The following CCSER1 variants were observed in gnomAD, a reference collection of about 807,000 sequenced individuals.
CCSER1 encodes serine-rich coiled-coil domain-containing protein 1.
CCSER1 carries 41 observed loss-of-function variants against 82.0 expected under a neutral mutation model. The ratio of observed to expected loss-of-function variants is 0.50; its 90% CI spans 0.39 to 0.65. CCSER1 has a LOEUF of 0.65. CCSER1 is among the 30% of genes least tolerant of loss of function. CCSER1 has a pLI of 0.00. For synonymous variants in CCSER1, 414 were observed against 383.9 expected, an observed-to-expected ratio of 1.08 and a Z score of -0.92; for missense variants, 1,119 against 1,064.2, an observed-to-expected ratio of 1.05 and a Z score of -0.72.
intron 5 of CCSER1, among the ~76,000 whole-genome samples, chr4:90,553,648 C>T (rs1406744207): frequency 6.6e-6 from 1 of 152,134 alleles, no homozygotes; most frequent in Admixed American, 6.5e-5. Flanking sequence ...AAATAGTTAA[C>T]TCATTCATTT....
chr4:90,709,297 G>A (rs1740026513), intron 6 of CCSER1, among the ~76,000 whole-genome samples: 1 of 151,958 alleles, frequency 6.6e-6, no homozygotes, highest in South Asian at 2.1e-4. Context: ...TTTACTTTGA[G>A]TTCAGGGGTA....
intron 5 of CCSER1, among the ~76,000 whole-genome samples, chr4:90,489,769 G>A (rs1022402188): frequency 2.0e-5 from 3 of 152,078 alleles, no homozygotes; most frequent in Non-Finnish European, 4.4e-5. Flanking sequence ...AGAACATGCG[G>A]TGTTTGTTTT....
chr4:91,043,186 T>G (rs1202693620), intron 9 of CCSER1, among the ~76,000 whole-genome samples: 1 of 151,978 alleles, frequency 6.6e-6, no homozygotes, highest in Non-Finnish European at 1.5e-5. Context: ...TAGTTAGTAT[T>G]TATCTAATTA....
At chr4:91,059,674 G>C (rs569623297) in intron 9 of CCSER1, among the ~76,000 whole-genome samples, 5 of 151,780 alleles carry the variant, frequency 3.3e-5, no homozygotes, top group Non-Finnish European at 7.4e-5. Context: ...ACAGCAATCT[G>C]TAAGCCCATC....
intron 10 of CCSER1, among the ~76,000 whole-genome samples, chr4:91,104,663 C>A (rs1725428683): frequency 6.6e-6 from 1 of 152,170 alleles, no homozygotes; most frequent in South Asian, 2.1e-4. Flanking sequence ...GTGACTTTAA[C>A]AGCATCATTT....
chr4:90,806,669 C>T (rs1302987660), intron 7 of CCSER1, among the ~76,000 whole-genome samples: 2 of 152,108 alleles, frequency 1.3e-5, no homozygotes, highest in Non-Finnish European at 2.9e-5. Context: ...GAAGCAAAGG[C>T]TGAGATCTAG....
At chr4:91,271,075 A>G (rs1373222974) in intron 10 of CCSER1, among the ~76,000 whole-genome samples, 2 of 152,096 alleles carry the variant, frequency 1.3e-5, no homozygotes, top group Non-Finnish European at 2.9e-5. Flanking sequence ...TTAATATATT[A>G]AATATTGTTG....
chr4:90,728,393 G>GAACAAGA (rs1299858130), intron 7 of CCSER1, among the ~76,000 whole-genome samples: 10 of 152,176 alleles, frequency 6.6e-5, no homozygotes, highest in African/African-American at 2.4e-4. Flanking sequence ...ATAAGAACAA[G>GAACAAGA]AAAAAACTCT....
At chr4:90,938,939 T>C (rs1426830775) in intron 9 of CCSER1, 1 of 159,296 alleles carries the variant, frequency 6.3e-6, no homozygotes, top group African/African-American at 2.4e-5. Flanking sequence ...TTCTGCTTTA[T>C]TCTCATTGTA....
intron 10 of CCSER1, among the ~76,000 whole-genome samples, chr4:91,584,197 T>C (rs1763875310): frequency 6.6e-6 from 1 of 151,430 alleles, no homozygotes; most frequent in African/African-American, 2.4e-5. Context: ...CGTAGTTGCA[T>C]TTGAGGGTCT....
At chr4:90,562,308 A>G (rs986755825) in intron 5 of CCSER1, among the ~76,000 whole-genome samples, 1 of 151,828 alleles carries the variant, frequency 6.6e-6, no homozygotes, top group East Asian at 1.9e-4. Context: ...TCATTAGTAG[A>G]CTCTGACACA....
intron 10 of CCSER1, among the ~76,000 whole-genome samples, chr4:91,160,062 AC>A (rs1158385307): frequency 6.8e-6 from 1 of 147,448 alleles, no homozygotes; most frequent in Non-Finnish European, 1.5e-5. Flanking sequence ...CCACCCCATG[AC>A]AGGCCCCCAT....
At chr4:91,041,012 A>T (rs555195081) in intron 9 of CCSER1, among the ~76,000 whole-genome samples, 4 of 152,316 alleles carry the variant, frequency 2.6e-5, no homozygotes, top group African/African-American at 9.6e-5. Context: ...AGCATCTTTT[A>T]CAGGGTAGGA....
chr4:90,461,725 T>C (rs1762956983), intron 4 of CCSER1, among the ~76,000 whole-genome samples: 1 of 152,198 alleles, frequency 6.6e-6, no homozygotes, highest in African/African-American at 2.4e-5. Flanking sequence ...CCAAAGATTA[T>C]TGAGTGCCTC....
intron 10 of CCSER1, among the ~76,000 whole-genome samples, chr4:91,164,731 A>C (rs1464087790): frequency 6.6e-6 from 1 of 151,952 alleles, no homozygotes; most frequent in Non-Finnish European, 1.5e-5. Flanking sequence ...TTGGCTTTTG[A>C]AGGTTGTGCA....
At chr4:90,406,996 A>G (rs2153550180) in intron 4 of CCSER1, among the ~76,000 whole-genome samples, 1 of 152,336 alleles carries the variant, frequency 6.6e-6, no homozygotes, top group South Asian at 2.1e-4. Context: ...AAGAAAATAA[A>G]TAATGAAATT....
At chr4:91,140,873 C>T (rs755784374) in intron 10 of CCSER1, among the ~76,000 whole-genome samples, 7 of 151,994 alleles carry the variant, frequency 4.6e-5, no homozygotes, top group Non-Finnish European at 5.9e-5. Flanking sequence ...ATATATTGCA[C>T]AATGCTGAGG....
chr4:90,444,312 C>G (rs1283131233), intron 4 of CCSER1, among the ~76,000 whole-genome samples: 1 of 151,958 alleles, frequency 6.6e-6, no homozygotes, highest in Non-Finnish European at 1.5e-5. Context: ...TGTTCTTTTT[C>G]AATATGTCAA....
intron 6 of CCSER1, among the ~76,000 whole-genome samples, chr4:90,659,609 G>A (rs1579775711): frequency 1.3e-5 from 2 of 152,068 alleles, no homozygotes; most frequent in South Asian, 2.1e-4. Flanking sequence ...GTGACTATGA[G>A]TCTGATTTCA....
Sources: allele counts gnomAD v4.1 joint callset (sites outside exome capture counted in the v4.1 genomes callset), GRCh38; gene constraint gnomAD v4.1.1; transcripts MANE v1.5; gene names NCBI Gene and HGNC (gene_info 2026-07-23, HGNC 2026-07-21).